Variants in ADAMTSL1 observed in about 807,000 individuals in gnomAD.
ADAMTSL1 encodes ADAMTS-like protein 1.
Under a neutral mutation model 201.8 loss-of-function variants are expected in ADAMTSL1, and 126 were observed. That is an observed-to-expected ratio of 0.62 (90% confidence interval 0.54 to 0.72). The LOEUF (loss-of-function observed/expected upper bound fraction) is 0.72, where lower values mean the gene tolerates loss of function less well. ADAMTSL1 is among the 30% of genes least tolerant of loss of function. The pLI, the probability that ADAMTSL1 is intolerant of heterozygous loss-of-function variation, is 0.00. For synonymous variants in ADAMTSL1, 1,121 were observed against 903.4 expected, an observed-to-expected ratio of 1.24 and a Z score of -4.32; for missense variants, 2,679 against 2,277.8, an observed-to-expected ratio of 1.18 and a Z score of -3.59.
At chr9:18,281,260 A>G (rs1298523286) in intron 2 of ADAMTSL1, among the ~76,000 whole-genome samples, 1 of 152,148 alleles carries the variant, frequency 6.6e-6, no homozygotes, top group South Asian at 2.1e-4. Flanking sequence ...TGCAATGGGA[A>G]GGGGAGAAGG....
At chr9:18,775,405 A>G (rs1452721109) in intron 17 of ADAMTSL1, among the ~76,000 whole-genome samples, 1 of 152,248 alleles carries the variant, frequency 6.6e-6, no homozygotes, top group East Asian at 1.9e-4. Flanking sequence ...ACTAAGCATA[A>G]GTGGAAACAG....
At chr9:18,234,460 C>T (rs539499655) in intron 2 of ADAMTSL1, among the ~76,000 whole-genome samples, 8 of 152,232 alleles carry the variant, frequency 5.3e-5, no homozygotes, top group Admixed American at 3.3e-4. Flanking sequence ...TTAATACCTC[C>T]ATGAAGCTTC....
At chr9:18,220,918 G>A (rs1352403618) in intron 2 of ADAMTSL1, among the ~76,000 whole-genome samples, 7 of 152,002 alleles carry the variant, frequency 4.6e-5, no homozygotes, top group African/African-American at 1.7e-4. Flanking sequence ...GGGACTACGA[G>A]CCTCTGCCAC....
intron 1 of ADAMTSL1, among the ~76,000 whole-genome samples, chr9:18,027,919 G>C (rs1820770539): frequency 6.6e-6 from 1 of 152,060 alleles, no homozygotes; most frequent in African/African-American, 2.4e-5. Flanking sequence ...ATGTATTCAG[G>C]AGAGTTAAGT....
At chr9:18,267,723 G>A (rs1228408383) in intron 2 of ADAMTSL1, among the ~76,000 whole-genome samples, 4 of 141,120 alleles carry the variant, frequency 2.8e-5, no homozygotes, top group African/African-American at 1.1e-4. Flanking sequence ...AAAGTGAATT[G>A]TAAACCTTTC....
chr9:18,106,167 G>T (rs886543501), intron 1 of ADAMTSL1, among the ~76,000 whole-genome samples: 2 of 152,196 alleles, frequency 1.3e-5, no homozygotes, highest in African/African-American at 4.8e-5. Flanking sequence ...CACTGCTTAA[G>T]GCAGGCAGCT....
chr9:18,483,313 C>T (rs1226983765), intron 1 of ADAMTSL1, among the ~76,000 whole-genome samples: 2 of 152,162 alleles, frequency 1.3e-5, no homozygotes, highest in Non-Finnish European at 2.9e-5. Context: ...TCACGAGCAT[C>T]TAGTACATAG....
At chr9:18,681,612 C>A in intron 11 of ADAMTSL1, 200 bp from the exon 12 acceptor site, 1 of 381,726 alleles carries the variant, frequency 2.6e-6, no homozygotes. Flanking sequence ...ATTTAATTTT[C>A]AGCGAGCTTC....
At chr9:18,443,008 TG>T (rs2133461773) in intron 2 of ADAMTSL1, among the ~76,000 whole-genome samples, 1 of 152,334 alleles carries the variant, frequency 6.6e-6, no homozygotes. Context: ...TGTTAAACTT[TG>T]TCTTTACAAG....
At chr9:18,056,400 T>C (rs1466928466) in intron 1 of ADAMTSL1, among the ~76,000 whole-genome samples, 3 of 152,174 alleles carry the variant, frequency 2.0e-5, no homozygotes, top group East Asian at 1.9e-4. Flanking sequence ...CCTCCAGTTA[T>C]GGCTCAACCG....
Position 18,886,178 on chromosome 9 carries a change from A to G in ADAMTSL1, c.4250-1653A>G, listed in dbSNP as rs1326416711. On this transcript the variant is annotated intron_variant, in intron 23 of 28. Transcript: ENST00000380548. ...TGAGTGTGTATGTGTATATATATAT[A>G]TATATATATATATATATATATATAT... Among the ~76,000 whole-genome samples, 173 of 112,540 alleles carry G rather than the reference A, an allele frequency of 1.5e-3. 4 individuals are homozygous for G. The highest frequency in any genetic ancestry group is 3.3e-3 in the South Asian group (9 of 2,748). 73.8% of individuals were successfully genotyped at this position (112,540 alleles called of 152,430 possible).
intron 16 of ADAMTSL1, among the ~76,000 whole-genome samples, chr9:18,753,763 A>G (rs1239694211): frequency 6.6e-6 from 1 of 152,198 alleles, no homozygotes. Context: ...ACCTGAGCAT[A>G]TTTATGACAA....
chr9:18,423,027 T>C (rs1819033461), intron 2 of ADAMTSL1, among the ~76,000 whole-genome samples: 1 of 152,214 alleles, frequency 6.6e-6, no homozygotes, highest in Non-Finnish European at 1.5e-5. Context: ...TTGTATGGGA[T>C]AGGAAAACTC....
rs115361042 is a variant in ADAMTSL1, at chr9:18,424,821, C to T, written c.208-80008C>T. 8.5e-3 allele frequency among the ~76,000 whole-genome samples: 1,288 copies of T among 152,244 alleles called. 18 individuals are homozygous for T. The highest frequency in any genetic ancestry group is 0.03 in the African/African-American group (1,227 of 41,530). The stretch of plus-strand genomic sequence containing the variant: ...TTGTGAGGAAGTGTTCTACAGCCAG[C>T]CTTTCTGACCCACTAGGCTCTTTCA... On this transcript the variant is annotated intron_variant, in intron 2 of 29. Transcript: ENST00000680146.
chr9:18,080,496 G>A (rs568443518), intron 1 of ADAMTSL1, among the ~76,000 whole-genome samples: 1 of 152,274 alleles, frequency 6.6e-6, no homozygotes, highest in East Asian at 1.9e-4. Flanking sequence ...TGCTAGAAAG[G>A]GTATGGACAG....
In ADAMTSL1 at chr9:18,681,807, T is replaced by A. The variant is rs779110752; in HGVS notation, c.1342-5T>A. 6 of 1,605,012 alleles carry A rather than the reference T, an allele frequency of 3.7e-6. No individual in the cohort carries two copies. In the East Asian group the frequency reaches 1.1e-4, roughly 30 times the overall value. On this transcript the variant is annotated splice_region_variant and splice_polypyrimidine_tract_variant and intron_variant, in intron 11 of 28. Coordinates refer to ENST00000380548, the MANE Select transcript of ADAMTSL1 (RefSeq NM_001040272.6). ...AGTCTCCTCTCTCTTGCAATCTCTT[T>A]CCAGTGCACAGTGACATGTGGCCAG... is the stretch of plus-strand genomic sequence containing the variant.
intron 7 of ADAMTSL1, among the ~76,000 whole-genome samples, chr9:18,650,288 G>A (rs201871121): frequency 1.8e-4 from 28 of 152,266 alleles, no homozygotes; most frequent in Admixed American, 9.8e-4. Context: ...TCCAGGTGCC[G>A]TCTGTCACCC....
intron 2 of ADAMTSL1, among the ~76,000 whole-genome samples, chr9:18,210,034 T>A (rs143037072): frequency 2.4e-4 from 37 of 152,270 alleles, no homozygotes; most frequent in Middle Eastern, 6.8e-3. Context: ...ATAAGTGGGC[T>A]ACATTGCTAT....
At chr9:18,388,937 A>G (rs949540135) in intron 2 of ADAMTSL1, among the ~76,000 whole-genome samples, 7 of 151,700 alleles carry the variant, frequency 4.6e-5, no homozygotes, top group African/African-American at 1.5e-4. Flanking sequence ...TTGTACTTCT[A>G]GTAGAGACGG....
Sources: gnomAD v4.1 joint callset for allele counts (sites outside exome capture counted in the v4.1 genomes callset) on GRCh38, gnomAD v4.1.1 for gene constraint, MANE v1.5 for transcripts, NCBI Gene and HGNC (gene_info 2026-07-23, HGNC 2026-07-21) for gene names.